The following IL1RAP variants were observed in gnomAD, a reference collection of about 807,000 sequenced individuals.
IL1RAP encodes interleukin-1 receptor accessory protein.
Under a neutral mutation model 60.7 loss-of-function variants are expected in IL1RAP, and 35 were observed. The observed-to-expected ratio is 0.58, with a 90% confidence interval of 0.44 to 0.76. The LOEUF is 0.76. Ranked by LOEUF, IL1RAP falls within the 30% of genes least tolerant of loss-of-function variation. IL1RAP has a pLI of 0.00. For missense variants in IL1RAP, 572 were observed against 693.9 expected (o/e 0.82, Z 1.97); for synonymous variants, 268 against 250.9 (o/e 1.07, Z -0.64).
Position 190,589,283 on chromosome 3 carries a change from C to T in IL1RAP, c.65-14845C>T, listed in dbSNP as rs149274615. ...TAAAAACCTAGCCACTCAGCACCCCCACCTCTTGAATTCTTCCTGTCACCC... is the reference window on the plus strand; with the variant it reads ...TAAAAACCTAGCCACTCAGCACCCCTACCTCTTGAATTCTTCCTGTCACCC... On this transcript the variant is annotated intron_variant, in intron 3 of 11. Coordinates refer to ENST00000447382, the MANE Select transcript of IL1RAP (RefSeq NM_002182.4). Among the ~76,000 whole-genome samples the T allele has an allele frequency of 3.9e-5, 6 of 152,306 alleles. No individual in the cohort carries two copies. In the East Asian group the frequency reaches 9.6e-4, roughly 24 times the overall value.
chr3:190,593,335 A>T (rs1290371113), intron 3 of IL1RAP, among the ~76,000 whole-genome samples: 1 of 151,672 alleles, frequency 6.6e-6, no homozygotes, highest in Non-Finnish European at 1.5e-5. Flanking sequence ...TCCCTCCTCC[A>T]CTCCTGACTT....
chr3:190,527,100 T>C (rs556683278), intron 1 of IL1RAP, among the ~76,000 whole-genome samples: 1 of 152,320 alleles, frequency 6.6e-6, no homozygotes, highest in Admixed American at 6.5e-5. Context: ...AGTTACTTTG[T>C]ATTCCAGCGA....
chr3:190,566,058 C>T (rs1451614134), intron 3 of IL1RAP, among the ~76,000 whole-genome samples: 1 of 151,604 alleles, frequency 6.6e-6, no homozygotes, highest in Non-Finnish European at 1.5e-5. Context: ...TTCTGCCTCC[C>T]TTCTTTCCTT....
At chr3:190,599,639 A>T (rs537908948) in intron 3 of IL1RAP, among the ~76,000 whole-genome samples, 1 of 149,484 alleles carries the variant, frequency 6.7e-6, no homozygotes, top group East Asian at 2.0e-4. Flanking sequence ...TGTATACTTC[A>T]GTTCTCAGAT....
intron 1 of IL1RAP, chr3:190,518,426 C>A (rs1721722116): frequency 6.6e-6 from 1 of 152,162 alleles, no homozygotes; most frequent in South Asian, 2.1e-4. Context: ...GTACTCTTTA[C>A]TTGTCTCCAT....
At chr3:190,564,085 G>A (rs1050009964) in intron 2 of IL1RAP, 13 of 549,126 alleles carry the variant, frequency 2.4e-5, no homozygotes, top group East Asian at 2.3e-4. Flanking sequence ...CATGTAATAT[G>A]GGAATTGAAA....
At chr3:190,601,967 A>G (rs1045616708) in intron 3 of IL1RAP, among the ~76,000 whole-genome samples, 2 of 151,994 alleles carry the variant, frequency 1.3e-5, no homozygotes, top group Admixed American at 6.6e-5. Context: ...ACACCACACA[A>G]TCACTTTTGC....
At position 190,533,006 on chromosome 3, in the gene IL1RAP, A is replaced by C. The variant is rs549286187; in HGVS notation, c.-89+18787A>C. Among the ~76,000 whole-genome samples the C allele has an allele frequency of 5.5e-4, 83 of 152,168 alleles. 2 individuals carry two copies. In the South Asian group the frequency reaches 0.017, roughly 31 times the overall value. On this transcript the variant is annotated intron_variant, in intron 1 of 11. Transcript: ENST00000447382. ...TCTCACTTTGAGGGTTGGAGAGGGG[A>C]GTAAGGGAACAAATACTTTCAAAAA...
At position 190,634,064 on chromosome 3, in the gene IL1RAP, A is replaced by G. The variant is rs747811931; in HGVS notation, c.1051+4566A>G. ...TTGCCGAGAATTTTTTTGTGTGAGT[A>G]TGTTGAGTTTTGTTGAATACTTAAC... is the stretch of plus-strand genomic sequence containing the variant. On this transcript the variant is annotated intron_variant, in intron 9 of 11. Coordinates refer to ENST00000447382, the MANE Select transcript of IL1RAP (RefSeq NM_002182.4). 1.8e-4 allele frequency among the ~76,000 whole-genome samples: 27 copies of G among 152,232 alleles called. No homozygotes were observed. In the Middle Eastern group the frequency reaches 0.01, roughly 58 times the overall value.
In IL1RAP at chr3:190,650,048, A is replaced by G; in HGVS notation, c.*1343A>G. 1.6e-6 allele frequency: 1 copy of G among 619,740 alleles called. No homozygotes were observed. Among genetic ancestry groups the G allele is most frequent in the Non-Finnish European group, 2.0e-6 (1 of 497,092 alleles). The allele number at this position is 619,740 out of a possible 1,614,324, so 38.4% of individuals were successfully genotyped here. On this transcript the variant is annotated 3_prime_UTR_variant, in exon 12 of 12. Transcript: ENST00000447382. Reference sequence around the variant, plus strand: ...TACATATATCTGTGTATATAAATCCACATGCACATGAAATATATATATATA... The same window carrying G: ...TACATATATCTGTGTATATAAATCCGCATGCACATGAAATATATATATATA...
intron 1 of IL1RAP, among the ~76,000 whole-genome samples, chr3:190,524,524 G>A (rs1181750780): frequency 1.3e-5 from 2 of 152,092 alleles, no homozygotes; most frequent in Non-Finnish European, 2.9e-5. Flanking sequence ...TAAGGAAGGG[G>A]TTCAATTTCA....
intron 8 of IL1RAP, 152 bp downstream of exon 8, chr3:190,627,601 C>A: frequency 2.0e-6 from 2 of 1,000,770 alleles, no homozygotes; most frequent in Non-Finnish European, 2.8e-6. Flanking sequence ...TGATTGCATC[C>A]CAAACCAGGG....
chr3:190,518,824 C>G (rs1299504078), intron 1 of IL1RAP: 1 of 152,268 alleles, frequency 6.6e-6, no homozygotes, highest in Non-Finnish European at 1.5e-5. Flanking sequence ...ATGATTCAAT[C>G]ATCTCCCACT....
intron 3 of IL1RAP, among the ~76,000 whole-genome samples, chr3:190,583,951 A>G (rs1728223759): frequency 1.3e-5 from 2 of 152,158 alleles, no homozygotes; most frequent in African/African-American, 4.8e-5. Context: ...AAGTCTGTGA[A>G]TTTTGACAAA....
At chr3:190,608,003 C>G (rs1730494595) in intron 4 of IL1RAP, among the ~76,000 whole-genome samples, 1 of 152,054 alleles carries the variant, frequency 6.6e-6, no homozygotes, top group Non-Finnish European at 1.5e-5. Context: ...ATAGTTTTTC[C>G]CAAAGGTTGC....
At chr3:190,585,119 A>G (rs547087269) in intron 3 of IL1RAP, among the ~76,000 whole-genome samples, 44 of 152,234 alleles carry the variant, frequency 2.9e-4, no homozygotes, top group Non-Finnish European at 5.6e-4. Context: ...GAGAGAAACA[A>G]TAAAGACTGT....
chr3:190,620,105 T>C (rs905814917), intron 5 of IL1RAP, among the ~76,000 whole-genome samples, 170 bp from the exon 6 acceptor site: 10 of 152,212 alleles, frequency 6.6e-5, no homozygotes, highest in African/African-American at 2.4e-4. Context: ...AGGTGTTTCA[T>C]TTATTCTTCG....
chr3:190,523,165 G>T (rs1722231885), intron 1 of IL1RAP, among the ~76,000 whole-genome samples: 1 of 152,002 alleles, frequency 6.6e-6, no homozygotes, highest in African/African-American at 2.4e-5. Flanking sequence ...TTTGCTTAAA[G>T]TCTTTTTCAA....
At chr3:190,651,673 T>G (rs1322956152), downstream of IL1RAP, among the ~76,000 whole-genome samples, 1 of 152,204 alleles carries the variant, frequency 6.6e-6, no homozygotes, top group Non-Finnish European at 1.5e-5. Flanking sequence ...AATGGGAACT[T>G]CTTATCAAGA....
Sources: gnomAD v4.1 joint callset for allele counts (sites outside exome capture counted in the v4.1 genomes callset) on GRCh38, gnomAD v4.1.1 for gene constraint, MANE v1.5 for transcripts, NCBI Gene and HGNC (gene_info 2026-07-23, HGNC 2026-07-21) for gene names.